The following ANKFN1 variants were observed in gnomAD, a reference collection of about 807,000 sequenced individuals.
ANKFN1 encodes ankyrin repeat and fibronectin type III domain containing 1, also known as ankyrin repeat and fibronectin type-III domain-containing protein 1.
Under a neutral mutation model 108.7 loss-of-function variants are expected in ANKFN1, and 74 were observed. The observed-to-expected ratio is 0.68, with a 90% CI of 0.56 to 0.83. The LOEUF is 0.83. ANKFN1 is among the 40% of genes least tolerant of loss of function. ANKFN1 has a pLI of 0.00. For missense variants in ANKFN1, 1,505 were observed against 1,382.3 expected (o/e 1.09, Z -1.41); for synonymous variants, 547 against 516.2 (o/e 1.06, Z -0.81).
intron 15 of ANKFN1, 39 bp downstream of exon 15, chr17:56,466,610 G>T (rs200916516): frequency 6.6e-7 from 1 of 1,523,390 alleles, no homozygotes; most frequent in African/African-American, 1.4e-5. Flanking sequence ...TATACTTAAG[G>T]TTCCAAACCC....
chr17:56,073,603 G>A (rs925368282), intron 4 of ANKFN1, among the ~76,000 whole-genome samples: 9 of 152,168 alleles, frequency 5.9e-5, no homozygotes. Flanking sequence ...CACCACCTAT[G>A]TATAGTTTCA....
At chr17:56,188,671 C>T (rs1399068317) in intron 1 of ANKFN1, among the ~76,000 whole-genome samples, 1 of 145,098 alleles carries the variant, frequency 6.9e-6, no homozygotes, top group East Asian at 2.0e-4. Context: ...TCTTGAAACA[C>T]GTATGCTTTT....
chr17:56,233,108 A>T (rs565095738), intron 3 of ANKFN1, among the ~76,000 whole-genome samples: 1 of 152,254 alleles, frequency 6.6e-6, no homozygotes, highest in East Asian at 1.9e-4. Context: ...TAAAGAATAT[A>T]GAAAAAATTC....
At chr17:56,110,362 A>G (rs1905893566) in intron 4 of ANKFN1, among the ~76,000 whole-genome samples, 1 of 152,188 alleles carries the variant, frequency 6.6e-6, no homozygotes, top group Non-Finnish European at 1.5e-5. Flanking sequence ...CTCAGGCTAG[A>G]TATTCCCTCC....
intron 3 of ANKFN1, among the ~76,000 whole-genome samples, chr17:56,299,065 C>G (rs2044598693): frequency 6.6e-6 from 1 of 152,216 alleles, no homozygotes; most frequent in Non-Finnish European, 1.5e-5. Context: ...CACTTTAGCA[C>G]TGTGAGATGC....
At chr17:56,310,381 G>A (rs940449298) in intron 3 of ANKFN1, among the ~76,000 whole-genome samples, 1 of 152,152 alleles carries the variant, frequency 6.6e-6, no homozygotes, top group African/African-American at 2.4e-5. Context: ...ACTTTGGGAG[G>A]CCGAGGCGGG....
intron 10 of ANKFN1, 75 bp from the exon 11 acceptor site, chr17:56,449,004 G>A (rs555552205): frequency 2.0e-5 from 26 of 1,298,674 alleles, no homozygotes; most frequent in African/African-American, 4.4e-5. Context: ...GCAAAACTCC[G>A]GCTCCTGACG....
At chr17:56,307,778 C>T (rs990839009) in intron 3 of ANKFN1, among the ~76,000 whole-genome samples, 31 of 152,240 alleles carry the variant, frequency 2.0e-4, no homozygotes, top group Admixed American at 3.9e-4. Context: ...CACATGCACA[C>T]GTATGTTTAT....
At chr17:56,081,480 G>A (rs190117573) in intron 4 of ANKFN1, among the ~76,000 whole-genome samples, 1 of 152,202 alleles carries the variant, frequency 6.6e-6, no homozygotes, top group Non-Finnish European at 1.5e-5. Flanking sequence ...AGCCTCCAGA[G>A]TGGCTGGGAC....
chr17:56,407,673 A>G (rs1192455289), intron 8 of ANKFN1, among the ~76,000 whole-genome samples: 1 of 152,190 alleles, frequency 6.6e-6, no homozygotes, highest in East Asian at 1.9e-4. Flanking sequence ...CCAAAGTACC[A>G]TAGGACTAAA....
chr17:56,475,593 C>T (rs1392219487), intron 15 of ANKFN1, among the ~76,000 whole-genome samples: 1 of 152,022 alleles, frequency 6.6e-6, no homozygotes, highest in Non-Finnish European at 1.5e-5. Flanking sequence ...TTTACCTTAC[C>T]CTTTTAAATA....
chr17:56,304,513 G>C (rs1004517635), intron 3 of ANKFN1, among the ~76,000 whole-genome samples: 1 of 152,124 alleles, frequency 6.6e-6, no homozygotes, highest in Non-Finnish European at 1.5e-5. Flanking sequence ...ATGCCTAGTA[G>C]TGCAGTTGCT....
intron 1 of ANKFN1, among the ~76,000 whole-genome samples, chr17:56,202,307 A>C (rs1914137237): frequency 6.6e-6 from 1 of 152,146 alleles, no homozygotes; most frequent in South Asian, 2.1e-4. Context: ...TCCTCAGCCT[A>C]GCCTAGAGCA....
At position 56,475,571 on chromosome 17, in the gene ANKFN1, G is replaced by T. The variant is rs185187278; in HGVS notation, c.1774-1917G>T. On this transcript the variant is annotated intron_variant, in intron 15 of 20. Transcript: ENST00000682825. ...CTCACCTTCCCTGAATTTAATGGTAGAGTTGATTCCCTTTACCTTACCCTT... is the reference window on the plus strand; with the variant it reads ...CTCACCTTCCCTGAATTTAATGGTATAGTTGATTCCCTTTACCTTACCCTT... 2.7e-3 allele frequency among the ~76,000 whole-genome samples: 406 copies of T among 152,248 alleles called. 1 individual carries two copies. Among genetic ancestry groups the T allele is most frequent in the African/African-American group, 9.0e-3 (374 of 41,534 alleles).
chr17:56,234,067 T>G (rs1916933260), intron 3 of ANKFN1, among the ~76,000 whole-genome samples: 1 of 152,130 alleles, frequency 6.6e-6, no homozygotes, highest in African/African-American at 2.4e-5. Context: ...TCTCATCACT[T>G]TCTTAAACGT....
At chr17:56,501,110 A>G (rs2051353752) in intron 20 of ANKFN1, among the ~76,000 whole-genome samples, 1 of 152,190 alleles carries the variant, frequency 6.6e-6, no homozygotes, top group Admixed American at 6.5e-5. Context: ...ATTCCAGACA[A>G]TAAAACAGCA....
At chr17:56,141,709 C>T (rs1056629185) in intron 4 of ANKFN1, among the ~76,000 whole-genome samples, 1 of 151,998 alleles carries the variant, frequency 6.6e-6, no homozygotes, top group Admixed American at 6.6e-5. Context: ...TTGAGCACAG[C>T]GTTCCAGTGC....
At chr17:56,376,375 C>T (rs2144788650) in intron 8 of ANKFN1, among the ~76,000 whole-genome samples, 1 of 152,296 alleles carries the variant, frequency 6.6e-6, no homozygotes, top group South Asian at 2.1e-4. Context: ...GTACTAAGGA[C>T]AGCAGATAAA....
At chr17:56,300,086 G>A (rs1417778643) in intron 3 of ANKFN1, among the ~76,000 whole-genome samples, 1 of 152,166 alleles carries the variant, frequency 6.6e-6, no homozygotes, top group Non-Finnish European at 1.5e-5. Context: ...ACCTCATGGA[G>A]CTCCGTGTTT....
Sources: gnomAD v4.1 joint callset for allele counts (sites outside exome capture counted in the v4.1 genomes callset) on GRCh38, gnomAD v4.1.1 for gene constraint, MANE v1.5 for transcripts, NCBI Gene and HGNC (gene_info 2026-07-23, HGNC 2026-07-21) for gene names.